TMEM131: variants seen among roughly 807,000 people sequenced by gnomAD.
TMEM131 encodes transmembrane protein 131.
TMEM131 carries 66 observed loss-of-function variants against 211.6 expected under a neutral mutation model. The observed-to-expected ratio is 0.31, with a 90% confidence interval of 0.26 to 0.38. TMEM131 has a LOEUF of 0.38. TMEM131 is among the 10% of genes least tolerant of loss of function. The pLI, the probability that TMEM131 is intolerant of heterozygous loss-of-function variation, is 1.00. For missense variants in TMEM131, 2,036 were observed against 2,299.3 expected (o/e 0.89, Z 2.34); for synonymous variants, 844 against 841.3 (o/e 1.00, Z -0.06).
At chr2:97,830,145 A>C (rs1429551776) in intron 11 of TMEM131, among the ~76,000 whole-genome samples, 4 of 150,546 alleles carry the variant, frequency 2.7e-5, no homozygotes, top group Middle Eastern at 3.4e-3. Context: ...AAAAAAAAAA[A>C]AAAAAAAAAA....
At chr2:97,834,492 T>C in intron 10 of TMEM131, 129 bp downstream of exon 10, 1 of 776,668 alleles carries the variant, frequency 1.3e-6, no homozygotes. Context: ...AGGAGATTTG[T>C]ACAAGATCAT....
rs1307717055 is a variant in TMEM131 at position 97,833,633 on chromosome 2, T to C, written c.1013-207A>G. On this transcript the variant is annotated intron_variant, in intron 10 of 40. Transcript: ENST00000186436. ...AACTGTTCCCTCTTAAACCAGATTT[T>C]TGAAAACCCCAAAATATATACTTTT... 1.0e-4 allele frequency among the ~76,000 whole-genome samples: 15 copies of C among 149,022 alleles called. No individual in the cohort carries two copies. In the Admixed American group the frequency reaches 1.0e-3, roughly 10 times the overall value.
chr2:97,790,035 G>A (rs1409251770), intron 31 of TMEM131, among the ~76,000 whole-genome samples: 3 of 152,060 alleles, frequency 2.0e-5, no homozygotes, highest in Non-Finnish European at 2.9e-5. Context: ...AACTACATAA[G>A]CTCATTATAA....
chr2:97,839,205 T>C lies in TMEM131; in HGVS notation c.724-2048A>G, dbSNP rs1482281378. Among the ~76,000 whole-genome samples the C allele has an allele frequency of 3.3e-5, 5 of 152,094 alleles. No homozygotes were observed. The East Asian group carries it at 9.6e-4, about 29-fold the overall frequency. Reference sequence around the variant, plus strand: ...AGCCAGGTGTGGTGGCGTGCACCTGTAGTCCCAACTACTCAGGAGACTGAG... The same window carrying C: ...AGCCAGGTGTGGTGGCGTGCACCTGCAGTCCCAACTACTCAGGAGACTGAG... On this transcript the variant is annotated intron_variant, in intron 7 of 40. Coordinates refer to ENST00000186436, the MANE Select transcript of TMEM131 (RefSeq NM_015348.2).
At chr2:97,986,338 G>C (rs571081006) in intron 1 of TMEM131, among the ~76,000 whole-genome samples, 1 of 152,226 alleles carries the variant, frequency 6.6e-6, no homozygotes, top group African/African-American at 2.4e-5. Context: ...AATAGGGGCA[G>C]GAAAAGAGTG....
intron 35 of TMEM131, chr2:97,763,298 GAGCAAAGCAGCCTTCC>G (rs1678962154): frequency 6.6e-6 from 1 of 152,496 alleles, no homozygotes; most frequent in Non-Finnish European, 1.5e-5. Context: ...TGGCCCTGCC[GAGCAAAGCAGCCTTCC>G]CTTGGAAGCC....
intron 1 of TMEM131, among the ~76,000 whole-genome samples, chr2:97,941,860 C>T (rs1018633732): frequency 1.3e-5 from 2 of 152,214 alleles, no homozygotes; most frequent in Non-Finnish European, 2.9e-5. Context: ...AATAGGAACA[C>T]TTCCACACTG....
chr2:97,983,347 C>T (rs994030234), intron 1 of TMEM131, among the ~76,000 whole-genome samples: 2 of 152,012 alleles, frequency 1.3e-5, no homozygotes, highest in African/African-American at 4.8e-5. Flanking sequence ...GAGACATGTC[C>T]GACCCCCTCT....
intron 5 of TMEM131, among the ~76,000 whole-genome samples, chr2:97,858,706 C>A (rs1224411528): frequency 6.6e-6 from 1 of 152,096 alleles, no homozygotes. Context: ...ATGGATGGCC[C>A]GTGAGAAGGA....
At position 97,788,951 on chromosome 2, in the gene TMEM131, A is replaced by G. The variant is rs79584585; in HGVS notation, c.4144+3435T>C. ...TATATTTTTTAAAAACCTACCATAC[A>G]ATACATGCATACTTTTTTCTTGTTA... On this transcript the variant is annotated intron_variant, in intron 31 of 40. Transcript: ENST00000186436. Among the ~76,000 whole-genome samples, 121 of 152,370 alleles carry G rather than the reference A, an allele frequency of 7.9e-4. 1 individual carries two copies. In the East Asian group the frequency reaches 0.023, roughly 29 times the overall value.
Position 97,772,920 on chromosome 2 carries a change from G to A in TMEM131, c.4321-496C>T, listed in dbSNP as rs77841882. Among the ~76,000 whole-genome samples, 33 of 152,276 alleles carry A rather than the reference G, an allele frequency of 2.2e-4. 2 individuals carry two copies. In the East Asian group the frequency reaches 6.0e-3, roughly 28 times the overall value. On this transcript the variant is annotated intron_variant, in intron 32 of 40. Coordinates refer to ENST00000186436, the MANE Select transcript of TMEM131 (RefSeq NM_015348.2). ...CAAAAAATAAAGTAAAATTTGTCTCGACTACGTTTTGGTGAGTTGGAGTTA... is the reference window on the plus strand; with the variant it reads ...CAAAAAATAAAGTAAAATTTGTCTCAACTACGTTTTGGTGAGTTGGAGTTA...
intron 1 of TMEM131, among the ~76,000 whole-genome samples, chr2:97,995,126 C>G (rs1337968481): frequency 1.3e-5 from 2 of 152,226 alleles, no homozygotes; most frequent in Admixed American, 1.3e-4. Context: ...CTGCATGCAA[C>G]CAACCGCAAC....
chr2:97,994,253 C>A (rs1018630635), intron 1 of TMEM131, among the ~76,000 whole-genome samples: 1 of 152,202 alleles, frequency 6.6e-6, no homozygotes, highest in African/African-American at 2.4e-5. Flanking sequence ...AGTCCTAAAG[C>A]GGCAATATTT....
At chr2:97,925,796 G>T (rs1177089488) in intron 2 of TMEM131, among the ~76,000 whole-genome samples, 1 of 152,070 alleles carries the variant, frequency 6.6e-6, no homozygotes, top group Non-Finnish European at 1.5e-5. Context: ...CTTATCAGTT[G>T]ATTTTTGAGG....
rs181200021 is a variant in TMEM131, at chr2:97,897,811, G to A, written c.291-9691C>T. Among the ~76,000 whole-genome samples, 722 of 152,222 alleles carry A rather than the reference G, an allele frequency of 4.7e-3. 2 individuals carry two copies. The highest frequency in any genetic ancestry group is 7.1e-3 in the Non-Finnish European group (486 of 67,982). ...ACTAGTAATTTTTCACTAGGTGTCTGATCGAATTTACCAGTTTAGTCATAT... is the reference window on the plus strand; with the variant it reads ...ACTAGTAATTTTTCACTAGGTGTCTAATCGAATTTACCAGTTTAGTCATAT... On this transcript the variant is annotated intron_variant, in intron 3 of 40. Transcript: ENST00000186436.
intron 4 of TMEM131, among the ~76,000 whole-genome samples, chr2:97,874,245 T>TGA (rs1319920327): frequency 6.6e-6 from 1 of 152,224 alleles, no homozygotes; most frequent in African/African-American, 2.4e-5. Context: ...AATCTACGTT[T>TGA]GATTGGTGTA....
intron 32 of TMEM131, among the ~76,000 whole-genome samples, chr2:97,773,402 G>C (rs1186765759): frequency 5.3e-5 from 8 of 152,172 alleles, no homozygotes; most frequent in African/African-American, 9.7e-5. Flanking sequence ...CCTCTGCTGG[G>C]GGAATGTTAC....
intron 31 of TMEM131, among the ~76,000 whole-genome samples, chr2:97,784,881 C>G (rs1359153590): frequency 6.6e-6 from 1 of 151,822 alleles, no homozygotes; most frequent in East Asian, 1.9e-4. Flanking sequence ...AAAAAATGAA[C>G]AAAAATAACT....
At chr2:97,864,899 G>A (rs916907643) in intron 4 of TMEM131, among the ~76,000 whole-genome samples, 2 of 152,184 alleles carry the variant, frequency 1.3e-5, no homozygotes, top group African/African-American at 4.8e-5. Context: ...GCTTGCCAGG[G>A]TAAGGAGTTG....
Sources: gnomAD v4.1 joint callset for allele counts (sites outside exome capture counted in the v4.1 genomes callset) on GRCh38, gnomAD v4.1.1 for gene constraint, MANE v1.5 for transcripts, NCBI Gene and HGNC (gene_info 2026-07-23, HGNC 2026-07-21) for gene names.